MAP4: variants seen among roughly 807,000 people sequenced by gnomAD.
MAP4 encodes microtubule associated protein 4.
MAP4 carries 76 observed loss-of-function variants against 170.2 expected under a neutral mutation model. That is an observed-to-expected ratio of 0.45 (90% CI 0.37 to 0.54). MAP4 has a LOEUF of 0.54. Among genes scored for constraint, MAP4 ranks in the 20% least tolerant of loss-of-function variants. The pLI is 0.00. For missense variants in MAP4, 2,506 were observed against 2,748.0 expected (o/e 0.91, Z 1.97); for synonymous variants, 909 against 994.5 (o/e 0.91, Z 1.62).
At chr3:47,974,657 G>A (rs1242092915) in intron 3 of MAP4, 1 of 942,534 alleles carries the variant, frequency 1.1e-6, no homozygotes, top group African/African-American at 1.8e-5. Flanking sequence ...CCATTGTACA[G>A]TACTAATCTC....
chr3:47,884,906 G>A (rs1407325384), intron 10 of MAP4, among the ~76,000 whole-genome samples: 3 of 152,162 alleles, frequency 2.0e-5, no homozygotes. Flanking sequence ...CCTGGTAGGG[G>A]ACAGGCCTCC....
intron 13 of MAP4, 58 bp from the exon 14 acceptor site, chr3:47,871,344 A>T: frequency 7.6e-7 from 1 of 1,319,902 alleles, no homozygotes; most frequent in South Asian, 1.2e-5. Flanking sequence ...TGGATAGTTC[A>T]TCCAATAGTG....
At chr3:47,946,079 C>T (rs530922219) in intron 3 of MAP4, among the ~76,000 whole-genome samples, 1 of 151,276 alleles carries the variant, frequency 6.6e-6, no homozygotes, top group East Asian at 1.9e-4. Flanking sequence ...GGACTACAGG[C>T]GCCCGCCACC....
intron 9 of MAP4, among the ~76,000 whole-genome samples, chr3:47,908,340 G>C (rs1010019419): frequency 1.3e-5 from 2 of 152,146 alleles, no homozygotes; most frequent in African/African-American, 4.8e-5. Context: ...ACATGGGCAA[G>C]TTTTATGGAC....
intron 10 of MAP4, among the ~76,000 whole-genome samples, chr3:47,882,757 G>C (rs143327845): frequency 9.4e-4 from 143 of 151,980 alleles, no homozygotes; most frequent in African/African-American, 3.3e-3. Flanking sequence ...ACTACTTTGA[G>C]TGACCTACTG....
At chr3:47,874,886 G>A (rs1409030991) in intron 12 of MAP4, among the ~76,000 whole-genome samples, 2 of 150,842 alleles carry the variant, frequency 1.3e-5, no homozygotes, top group African/African-American at 5.0e-5. Context: ...AAACTATTTC[G>A]TACCATGAAT....
chr3:47,999,150 C>T (rs112754463), intron 1 of MAP4, among the ~76,000 whole-genome samples: 1 of 152,208 alleles, frequency 6.6e-6, no homozygotes, highest in South Asian at 2.1e-4. Context: ...CAATTGTGTC[C>T]TTTCTATTTA....
intron 9 of MAP4, among the ~76,000 whole-genome samples, chr3:47,907,567 G>A (rs188514971): frequency 3.9e-5 from 6 of 152,280 alleles, no homozygotes; most frequent in South Asian, 2.1e-4. Context: ...CTCTGAGCCT[G>A]ACCTGACCCA....
intron 3 of MAP4, among the ~76,000 whole-genome samples, chr3:47,934,850 A>T (rs909714668): frequency 3.3e-5 from 5 of 152,128 alleles, no homozygotes; most frequent in African/African-American, 4.8e-5. Flanking sequence ...GTCAATCGCT[A>T]CTCCAGGCAT....
At chr3:48,053,910 GAATA>G (rs554750703) in intron 1 of MAP4, among the ~76,000 whole-genome samples, 6 of 152,174 alleles carry the variant, frequency 3.9e-5, no homozygotes, top group Non-Finnish European at 7.4e-5. Flanking sequence ...ATGTCTAGAA[GAATA>G]TATATGAAAA....
chr3:47,894,717 T>C (rs2100025869), intron 10 of MAP4, among the ~76,000 whole-genome samples: 1 of 152,006 alleles, frequency 6.6e-6, no homozygotes, highest in East Asian at 1.9e-4. Context: ...GTACAATATG[T>C]GAGGAAAATT....
intron 1 of MAP4, among the ~76,000 whole-genome samples, chr3:48,008,497 G>A (rs966016089): frequency 3.3e-5 from 5 of 152,246 alleles, no homozygotes; most frequent in Non-Finnish European, 1.5e-5. Flanking sequence ...ATGGCCAGAT[G>A]TGTGATTATA....
intron 16 of MAP4, among the ~76,000 whole-genome samples, chr3:47,868,697 A>G (rs2085088740): frequency 6.6e-6 from 1 of 152,170 alleles, no homozygotes; most frequent in Non-Finnish European, 1.5e-5. Context: ...GTGGGTTTCC[A>G]TTGGGAATGA....
intron 1 of MAP4, among the ~76,000 whole-genome samples, chr3:48,077,130 G>C (rs946110618): frequency 4.0e-5 from 6 of 151,542 alleles, no homozygotes; most frequent in African/African-American, 1.2e-4. Flanking sequence ...CTGAGTGACA[G>C]AGCAAGATCT....
At chr3:48,065,035 CAGG>C (rs2100137688) in intron 1 of MAP4, among the ~76,000 whole-genome samples, 1 of 152,122 alleles carries the variant, frequency 6.6e-6, no homozygotes, top group Non-Finnish European at 1.5e-5. Context: ...GAGGCTGAGG[CAGG>C]AGGACTGCTT....
chr3:48,075,430 CAGG>C (rs1323054595), intron 1 of MAP4, among the ~76,000 whole-genome samples: 1 of 151,830 alleles, frequency 6.6e-6, no homozygotes, highest in Non-Finnish European at 1.5e-5. Context: ...GACGCAGAGG[CAGG>C]AGAATTGCTT....
chr3:47,903,460 G>T (rs1203515930), intron 9 of MAP4, among the ~76,000 whole-genome samples: 3 of 151,824 alleles, frequency 2.0e-5, no homozygotes, highest in African/African-American at 7.3e-5. Context: ...GTGAACCTGG[G>T]AGGCAGAGCG....
chr3:48,042,989 TG>T (rs2100122455), intron 1 of MAP4, among the ~76,000 whole-genome samples: 1 of 152,220 alleles, frequency 6.6e-6, no homozygotes, highest in Non-Finnish European at 1.5e-5. Flanking sequence ...TATTAGGGAG[TG>T]ATAAAGAACA....
At chr3:47,867,511 A>G (rs919036048) in intron 16 of MAP4, among the ~76,000 whole-genome samples, 173 bp from the exon 17 acceptor site, 2 of 151,926 alleles carry the variant, frequency 1.3e-5, no homozygotes, top group Non-Finnish European at 2.9e-5. Context: ...AAGAAATGTG[A>G]AAGAGCAAGA....
Sources: allele counts gnomAD v4.1 joint callset (sites outside exome capture counted in the v4.1 genomes callset), GRCh38; gene constraint gnomAD v4.1.1; transcripts MANE v1.5; gene names NCBI Gene and HGNC (gene_info 2026-07-23, HGNC 2026-07-21).